The following WHRN variants were observed in gnomAD, a reference collection of about 807,000 sequenced individuals.
WHRN encodes the protein CASK-interacting protein CIP98.
WHRN carries 41 observed loss-of-function variants against 68.3 expected under a neutral mutation model. That is an observed-to-expected ratio of 0.60 (90% confidence interval 0.47 to 0.78). The LOEUF (loss-of-function observed/expected upper bound fraction) is 0.78, where lower values mean the gene tolerates loss of function less well. Among genes scored for constraint, WHRN ranks in the 30% least tolerant of loss-of-function variants. The pLI is 0.00. For synonymous variants in WHRN, 560 were observed against 561.3 expected (o/e 1.00, Z 0.03); for missense variants, 1,243 against 1,244.7 (o/e 1.00, Z 0.02).
intron 7 of WHRN, among the ~76,000 whole-genome samples, chr9:114,419,330 G>A (rs1836072517): frequency 6.6e-6 from 1 of 152,248 alleles, no homozygotes; most frequent in Non-Finnish European, 1.5e-5. Flanking sequence ...CAGTGTCATA[G>A]AGAACATTCA....
At chr9:114,471,653 C>T (rs918329549) in intron 2 of WHRN, among the ~76,000 whole-genome samples, 8 of 152,334 alleles carry the variant, frequency 5.3e-5, no homozygotes, top group Admixed American at 2.6e-4. Flanking sequence ...CACGGAGCCT[C>T]GACTAGGTCC....
chr9:114,425,580 G>T (rs1027790321), intron 4 of WHRN: 3 of 142,522 alleles, frequency 2.1e-5, no homozygotes, highest in Non-Finnish European at 4.1e-5. Context: ...AGGAAGGGAA[G>T]GGGGAGACAC....
At chr9:114,475,789 T>C (rs753244904) in intron 2 of WHRN, among the ~76,000 whole-genome samples, 3 of 151,908 alleles carry the variant, frequency 2.0e-5, no homozygotes, top group African/African-American at 4.8e-5. Flanking sequence ...CCCTTCCCAA[T>C]AGGGAAATGG....
chr9:114,485,678 C>T (rs1383981225), intron 1 of WHRN, among the ~76,000 whole-genome samples: 1 of 150,912 alleles, frequency 6.6e-6, no homozygotes. Context: ...AGCTACAGAG[C>T]GAGACTCCGT....
chr9:114,424,224 G>A, intron 6 of WHRN, 110 bp downstream of exon 6: 1 of 1,287,270 alleles, frequency 7.8e-7, no homozygotes, highest in Non-Finnish European at 1.1e-6. Flanking sequence ...TCTGCCCAGT[G>A]TTCAGTTCAG....
At chr9:114,438,408 A>C (rs1307840407) in intron 3 of WHRN, among the ~76,000 whole-genome samples, 2 of 151,854 alleles carry the variant, frequency 1.3e-5, no homozygotes, top group Non-Finnish European at 2.9e-5. Context: ...GCTGGTGGGA[A>C]TTCAGGATGG....
At chr9:114,502,912 A>G (rs1230338296) in intron 1 of WHRN, among the ~76,000 whole-genome samples, 1 of 152,206 alleles carries the variant, frequency 6.6e-6, no homozygotes, top group Non-Finnish European at 1.5e-5. Context: ...GGGAAGAGGA[A>G]TTGTTGCATG....
At chr9:114,459,372 G>A (rs1030871672) in intron 3 of WHRN, among the ~76,000 whole-genome samples, 1 of 152,160 alleles carries the variant, frequency 6.6e-6, no homozygotes, top group Non-Finnish European at 1.5e-5. Flanking sequence ...GCTGAAGCAG[G>A]AGAATTGCTT....
intron 10 of WHRN, 71 bp downstream of exon 10, chr9:114,403,825 C>T (rs771122919): frequency 1.2e-5 from 19 of 1,582,046 alleles, no homozygotes; most frequent in Non-Finnish European, 1.2e-5. Flanking sequence ...GCCCTGGTCC[C>T]GGGACCTCCC....
chr9:114,479,422 G>A (rs899844915), intron 1 of WHRN, among the ~76,000 whole-genome samples: 8 of 152,162 alleles, frequency 5.3e-5, no homozygotes, highest in African/African-American at 1.9e-4. Context: ...CCCTTTCCCC[G>A]TGATCATTCT....
intron 3 of WHRN, among the ~76,000 whole-genome samples, chr9:114,465,272 C>T (rs1840582145): frequency 6.6e-6 from 1 of 152,212 alleles, no homozygotes; most frequent in Admixed American, 6.5e-5. Flanking sequence ...AATGAAATCT[C>T]CTGATATTAG....
chr9:114,483,243 C>T (rs557966945), intron 1 of WHRN, among the ~76,000 whole-genome samples: 1 of 152,126 alleles, frequency 6.6e-6, no homozygotes, highest in Non-Finnish European at 1.5e-5. Context: ...TCAATATCTA[C>T]GCAGGCTCTT....
chr9:114,461,253 G>A (rs530243639), intron 3 of WHRN, among the ~76,000 whole-genome samples: 6 of 152,232 alleles, frequency 3.9e-5, no homozygotes, highest in African/African-American at 4.8e-5. Flanking sequence ...TTCAGACGCC[G>A]CCTAAGGACA....
rs1837013638 is a variant in WHRN, at chr9:114,427,790, G to A, written c.964-1377C>T. 2.0e-5 allele frequency among the ~76,000 whole-genome samples: 3 copies of A among 152,320 alleles called. No individual in the cohort carries two copies. The South Asian group carries it at 6.2e-4, about 32-fold the overall frequency. On this transcript the variant is annotated intron_variant, in intron 3 of 11. Transcript: ENST00000362057. ...TCTGCACCGGCTTTGACACTCAGGG[G>A]AGGCTTGCTGCCTCTGCCTCCATGA...
chr9:114,447,140 G>A (rs1221930208), intron 3 of WHRN, among the ~76,000 whole-genome samples: 1 of 152,110 alleles, frequency 6.6e-6, no homozygotes, highest in East Asian at 1.9e-4. Flanking sequence ...ACATAGAGAG[G>A]CTCAGCAAGA....
intron 1 of WHRN, among the ~76,000 whole-genome samples, chr9:114,482,516 C>T (rs1170148761): frequency 1.3e-5 from 2 of 152,088 alleles, no homozygotes; most frequent in Non-Finnish European, 2.9e-5. Context: ...GGACAATGCT[C>T]ACCTCCCAGG....
chr9:114,457,057 A>G (rs933394410), intron 3 of WHRN, among the ~76,000 whole-genome samples: 6 of 152,228 alleles, frequency 3.9e-5, no homozygotes, highest in African/African-American at 1.2e-4. Context: ...ATACACAGAG[A>G]TGAATACATA....
At chr9:114,438,609 C>T (rs374039944) in intron 3 of WHRN, among the ~76,000 whole-genome samples, 7 of 151,904 alleles carry the variant, frequency 4.6e-5, no homozygotes, top group Admixed American at 1.3e-4. Context: ...CCCGCCACCA[C>T]GCCCAGCTAA....
chr9:114,473,874 A>G (rs1249375827), intron 2 of WHRN, among the ~76,000 whole-genome samples: 1 of 152,226 alleles, frequency 6.6e-6, no homozygotes, highest in Admixed American at 6.5e-5. Flanking sequence ...TCAGTCCTGC[A>G]GCTCAGACTG....
Sources: gnomAD v4.1 joint callset for allele counts (sites outside exome capture counted in the v4.1 genomes callset) on GRCh38, gnomAD v4.1.1 for gene constraint, MANE v1.5 for transcripts, NCBI Gene and HGNC (gene_info 2026-07-23, HGNC 2026-07-21) for gene names.